RBFOX2: variants seen among roughly 807,000 people sequenced by gnomAD.
The protein encoded by RBFOX2 is RNA binding fox-1 homolog 2, also known as RNA binding protein fox-1 homolog 2.
RBFOX2 carries 10 observed loss-of-function variants against 49.1 expected under a neutral mutation model. The observed-to-expected ratio is 0.20, with a 90% confidence interval of 0.13 to 0.35. The LOEUF is 0.35. Among genes scored for constraint, RBFOX2 ranks in the 10% least tolerant of loss-of-function variants. RBFOX2 has a pLI of 1.00. For synonymous variants in RBFOX2, 183 were observed against 187.4 expected (o/e 0.98, Z 0.19); for missense variants, 323 against 486.9 (o/e 0.66, Z 3.17).
intron 4 of RBFOX2, among the ~76,000 whole-genome samples, chr22:35,772,717 G>T (rs1299663236): frequency 1.3e-5 from 2 of 152,140 alleles, no homozygotes; most frequent in Non-Finnish European, 2.9e-5. Flanking sequence ...TAGGTGTATG[G>T]TTGTAGTTAA....
At chr22:35,820,939 C>T (rs906660396) in intron 1 of RBFOX2, among the ~76,000 whole-genome samples, 3 of 151,942 alleles carry the variant, frequency 2.0e-5, no homozygotes, top group Non-Finnish European at 4.4e-5. Context: ...GACTGGGGGG[C>T]CTGAGCAATG....
intron 1 of RBFOX2, among the ~76,000 whole-genome samples, chr22:35,946,471 T>C (rs1272413423): frequency 6.6e-6 from 1 of 152,206 alleles, no homozygotes; most frequent in Admixed American, 6.5e-5. Context: ...AGATAATATC[T>C]ACCACATAAA....
chr22:35,943,297 G>A (rs763636111), upstream of RBFOX2, among the ~76,000 whole-genome samples: 9 of 152,178 alleles, frequency 5.9e-5, no homozygotes, highest in Non-Finnish European at 1.2e-4. Flanking sequence ...TTAAAGCAGA[G>A]ATGAAATTAC....
At chr22:35,906,078 C>T (rs1943937050) in intron 1 of RBFOX2, among the ~76,000 whole-genome samples, 1 of 152,076 alleles carries the variant, frequency 6.6e-6, no homozygotes, top group South Asian at 2.1e-4. Flanking sequence ...AATGAAGTCA[C>T]CTAATGACAC....
chr22:35,822,282 A>G (rs1954699408), intron 1 of RBFOX2, among the ~76,000 whole-genome samples: 1 of 152,178 alleles, frequency 6.6e-6, no homozygotes, highest in Non-Finnish European at 1.5e-5. Flanking sequence ...CATTGACAAT[A>G]ATGTTCTAAA....
upstream of RBFOX2, among the ~76,000 whole-genome samples, chr22:35,844,065 ATATGGGT>A (rs2040858435): frequency 6.6e-6 from 1 of 152,214 alleles, no homozygotes; most frequent in Non-Finnish European, 1.5e-5. Context: ...ATGGCCGACT[ATATGGGT>A]TATTCATCCT....
At chr22:35,869,469 CAAAAAAAAAAAAAAAAAAAAAAAA>C (rs35854576) in intron 1 of RBFOX2, among the ~76,000 whole-genome samples, 55 of 30,574 alleles carry the variant, frequency 1.8e-3, no homozygotes, top group African/African-American at 4.7e-3. Context: ...AACGGCTGAC[CAAAAAAAAAAAAAAAAAAAAAAAA>C]AAAAAAAAAA....
chr22:35,816,203 A>G (rs139277334), intron 1 of RBFOX2, among the ~76,000 whole-genome samples: 28 of 152,352 alleles, frequency 1.8e-4, no homozygotes, highest in African/African-American at 6.7e-4. Flanking sequence ...CTTAACTTAC[A>G]CAAATACTTA....
chr22:35,789,781 G>A (rs1001968778), intron 2 of RBFOX2, among the ~76,000 whole-genome samples: 2 of 152,106 alleles, frequency 1.3e-5, no homozygotes, highest in Non-Finnish European at 2.9e-5. Flanking sequence ...TGGTGGTGGT[G>A]GTTGTTGTTT....
At chr22:35,968,798 G>C (rs1050469416) in intron 1 of RBFOX2, among the ~76,000 whole-genome samples, 29 of 152,168 alleles carry the variant, frequency 1.9e-4, no homozygotes, top group Non-Finnish European at 8.8e-5. Context: ...TCGAATTGGA[G>C]AAAAAGACAT....
chr22:35,870,235 A>C (rs1332551972), intron 1 of RBFOX2, among the ~76,000 whole-genome samples: 1 of 152,216 alleles, frequency 6.6e-6, no homozygotes, highest in Non-Finnish European at 1.5e-5. Context: ...ATGGTTGGGC[A>C]CGGTGGCTCA....
At chr22:35,932,149 C>T (rs7287214) in intron 1 of RBFOX2, among the ~76,000 whole-genome samples, 11,731 of 152,078 alleles carry the variant, frequency 0.077, 469 homozygotes, top group South Asian at 0.086. Flanking sequence ...CACCAACTAT[C>T]CCCGAGGGAA....
intron 1 of RBFOX2, among the ~76,000 whole-genome samples, chr22:35,884,693 CA>C (rs2046345227): frequency 6.6e-6 from 1 of 152,282 alleles, no homozygotes; most frequent in East Asian, 1.9e-4. Context: ...ATATTCTATG[CA>C]TTCAAAGTGA....
intron 1 of RBFOX2, among the ~76,000 whole-genome samples, chr22:35,929,843 G>T (rs2052147871): frequency 6.6e-6 from 1 of 152,030 alleles, no homozygotes; most frequent in South Asian, 2.1e-4. Context: ...GGGGAGAGAG[G>T]GAGGACTGGA....
At chr22:35,882,645 C>T (rs1375663902) in intron 1 of RBFOX2, among the ~76,000 whole-genome samples, 4 of 152,088 alleles carry the variant, frequency 2.6e-5, no homozygotes, top group African/African-American at 9.7e-5. Flanking sequence ...AACAGACTAG[C>T]AGAGATAGGA....
At chr22:35,848,935 G>C (rs1465100813) in intron 1 of RBFOX2, among the ~76,000 whole-genome samples, 3 of 152,072 alleles carry the variant, frequency 2.0e-5, no homozygotes, top group African/African-American at 4.8e-5. Flanking sequence ...TAACTCTATT[G>C]CTGGAACCAG....
At chr22:35,971,924 A>AAC (rs1295808799) in intron 1 of RBFOX2, among the ~76,000 whole-genome samples, 1 of 149,906 alleles carries the variant, frequency 6.7e-6, no homozygotes, top group Non-Finnish European at 1.5e-5. Context: ...AAAAAAAAAA[A>AAC]AAAAAAAAAA....
chr22:35,839,456 G>A, intron 1 of RBFOX2, among the ~76,000 whole-genome samples: 1 of 152,216 alleles, frequency 6.6e-6, no homozygotes, highest in East Asian at 1.9e-4. Context: ...GGGAGTGGGA[G>A]AGAGAGAAGA....
At chr22:35,949,142 T>C (rs1477267713) in intron 1 of RBFOX2, among the ~76,000 whole-genome samples, 3 of 152,240 alleles carry the variant, frequency 2.0e-5, no homozygotes, top group Non-Finnish European at 4.4e-5. Context: ...ATCCATATTG[T>C]AGCACGTGTC....
Sources: gnomAD v4.1 joint callset for allele counts (sites outside exome capture counted in the v4.1 genomes callset) on GRCh38, gnomAD v4.1.1 for gene constraint, MANE v1.5 for transcripts, NCBI Gene and HGNC (gene_info 2026-07-23, HGNC 2026-07-21) for gene names.